Variants in DCC observed in about 807,000 individuals in gnomAD.
The protein encoded by DCC is netrin receptor DCC.
DCC carries 58 observed loss-of-function variants against 172.5 expected under a neutral mutation model. That is an observed-to-expected ratio of 0.34 (90% confidence interval 0.27 to 0.42). The LOEUF (loss-of-function observed/expected upper bound fraction) is 0.42, where lower values mean the gene tolerates loss of function less well. DCC is among the 10% of genes least tolerant of loss of function. DCC has a pLI of 1.00. For synonymous variants in DCC, 709 were observed against 644.5 expected, an observed-to-expected ratio of 1.10 and a Z score of -1.52; for missense variants, 1,740 against 1,791.0, an observed-to-expected ratio of 0.97 and a Z score of 0.51.
chr18:52,875,545 G>A (rs2039390806), intron 2 of DCC, among the ~76,000 whole-genome samples: 1 of 152,160 alleles, frequency 6.6e-6, no homozygotes. Context: ...ATCCCCAACT[G>A]TTGATACAAA....
intron 2 of DCC, among the ~76,000 whole-genome samples, chr18:52,868,015 G>T (rs1305889405): frequency 1.4e-5 from 2 of 148,082 alleles, no homozygotes; most frequent in African/African-American, 2.5e-5. Flanking sequence ...GAATGAGATT[G>T]CTAATATGTG....
At chr18:52,871,274 A>C (rs933777287) in intron 2 of DCC, among the ~76,000 whole-genome samples, 1 of 151,888 alleles carries the variant, frequency 6.6e-6, no homozygotes, top group Admixed American at 6.6e-5. Flanking sequence ...CCACTTGGTC[A>C]CCAGTCAACC....
intron 1 of DCC, among the ~76,000 whole-genome samples, chr18:52,586,129 G>A (rs996011144): frequency 6.8e-5 from 10 of 146,260 alleles, no homozygotes; most frequent in African/African-American, 2.5e-4. Flanking sequence ...GTCACACCTA[G>A]CAGTCATACA....
At chr18:52,869,207 A>C (rs2039278810) in intron 2 of DCC, among the ~76,000 whole-genome samples, 1 of 152,236 alleles carries the variant, frequency 6.6e-6, no homozygotes, top group South Asian at 2.1e-4. Context: ...AGGAAGAATA[A>C]GTTGCGCAGA....
At chr18:52,848,758 TG>T (rs1458006628) in intron 2 of DCC, among the ~76,000 whole-genome samples, 2 of 152,230 alleles carry the variant, frequency 1.3e-5, no homozygotes, top group Non-Finnish European at 2.9e-5. Context: ...CTTTCTCTAA[TG>T]GTTTAAGATA....
At chr18:52,525,295 A>G (rs1145266) in intron 1 of DCC, among the ~76,000 whole-genome samples, 46,056 of 152,006 alleles carry the variant, frequency 0.3, 7,111 homozygotes, top group Middle Eastern at 0.33. Context: ...TAGTAAACCT[A>G]TATGGTCATC....
intron 12 of DCC, among the ~76,000 whole-genome samples, chr18:53,297,263 T>G (rs2057078785): frequency 6.6e-6 from 1 of 152,222 alleles, no homozygotes; most frequent in Non-Finnish European, 1.5e-5. Context: ...CCCAGGCAGT[T>G]TGGAGACTGG....
intron 21 of DCC, among the ~76,000 whole-genome samples, chr18:53,420,084 T>C (rs1910553496): frequency 6.6e-6 from 1 of 152,106 alleles, no homozygotes; most frequent in Non-Finnish European, 1.5e-5. Flanking sequence ...TCAATCCTCC[T>C]GACCTTGTGA....
chr18:52,846,984 A>G (rs553988167), intron 2 of DCC, among the ~76,000 whole-genome samples: 1 of 152,244 alleles, frequency 6.6e-6, no homozygotes, highest in South Asian at 2.1e-4. Context: ...TGACTTCAAT[A>G]TGTAAGTGTT....
Position 53,285,301 on chromosome 18 carries a change from C to A in DCC, c.1912-20277C>A, listed in dbSNP as rs187619080. On this transcript the variant is annotated intron_variant, in intron 12 of 28. Transcript: ENST00000442544. ...GGAAAAAGTGGTTTTGTGGGCTGGG[C>A]TCAGGGTCCCTCTATTGTGTGCAGT... 4.6e-5 allele frequency among the ~76,000 whole-genome samples: 7 copies of A among 152,260 alleles called. No individual in the cohort carries two copies. The East Asian group carries it at 1.4e-3, about 29-fold the overall frequency.
rs2046548521 is a variant in DCC at position 53,533,976 on chromosome 18, G to A, written c.*3323G>A. The A allele has an allele frequency of 6.6e-6, 1 of 152,160 alleles. No homozygotes were observed. Among genetic ancestry groups the A allele is most frequent in the Non-Finnish European group, 1.5e-5 (1 of 68,024 alleles). The allele number at this position is 152,160 out of a possible 1,614,324, so 9.4% of individuals were successfully genotyped here. A position where few individuals can be genotyped will look rare whatever the true frequency, so the allele number is the denominator to read the frequency against. On this transcript the variant is annotated 3_prime_UTR_variant, in exon 29 of 29. Transcript: ENST00000442544. ...GAAACTAAAATGTTTGGCACTTATT[G>A]GCTTTTCCAATAAAGAATCTCTTAA...
chr18:53,513,542 C>T lies in DCC; in HGVS notation c.4112-13075C>T, dbSNP rs1249058204. The stretch of plus-strand genomic sequence containing the variant: ...GCAAATTGGATAAAGAGTCAAGAAC[C>T]ATCAGTGTGCTGTATTCAGGAAACC... On this transcript the variant is annotated intron_variant, in intron 27 of 28. Transcript: ENST00000442544. Among the ~76,000 whole-genome samples the T allele has an allele frequency of 2.6e-5, 4 of 152,138 alleles. No individual in the cohort carries two copies. The South Asian group carries it at 6.2e-4, about 24-fold the overall frequency.
intron 1 of DCC, among the ~76,000 whole-genome samples, chr18:52,500,369 C>T (rs2030972450): frequency 6.6e-6 from 1 of 152,142 alleles, no homozygotes; most frequent in East Asian, 1.9e-4. Flanking sequence ...AAAGAGTGAT[C>T]TCTTAGGGAG....
At chr18:53,195,034 T>C (rs2055423429) in intron 9 of DCC, among the ~76,000 whole-genome samples, 1 of 152,194 alleles carries the variant, frequency 6.6e-6, no homozygotes. Context: ...TCATATAATC[T>C]CATATAATCC....
intron 5 of DCC, among the ~76,000 whole-genome samples, chr18:52,997,837 A>G (rs1252451942): frequency 2.0e-5 from 3 of 151,940 alleles, no homozygotes; most frequent in African/African-American, 7.2e-5. Context: ...TCTTTATGAT[A>G]TTCTTTCTAG....
chr18:52,548,890 T>G (rs1257228730), intron 1 of DCC, among the ~76,000 whole-genome samples: 2 of 152,116 alleles, frequency 1.3e-5, no homozygotes, highest in South Asian at 4.1e-4. Context: ...AAAATGTATG[T>G]TTAGACATTG....
At chr18:52,743,837 A>G (rs2036864858) in intron 1 of DCC, among the ~76,000 whole-genome samples, 2 of 152,190 alleles carry the variant, frequency 1.3e-5, no homozygotes, top group African/African-American at 4.8e-5. Flanking sequence ...GGGAAGAGAA[A>G]AAGAAGAATC....
At chr18:53,288,226 G>A (rs937094172) in intron 12 of DCC, among the ~76,000 whole-genome samples, 15 of 152,060 alleles carry the variant, frequency 9.9e-5, no homozygotes, top group African/African-American at 3.4e-4. Context: ...CTTGATTAAA[G>A]GATCAACAAA....
At chr18:52,826,781 A>C (rs1361345704) in intron 2 of DCC, among the ~76,000 whole-genome samples, 1 of 152,114 alleles carries the variant, frequency 6.6e-6, no homozygotes, top group Non-Finnish European at 1.5e-5. Flanking sequence ...ACCCAGCCAA[A>C]AATATGTTTA....
Sources: allele counts gnomAD v4.1 joint callset (sites outside exome capture counted in the v4.1 genomes callset), GRCh38; gene constraint gnomAD v4.1.1; transcripts MANE v1.5; gene names NCBI Gene and HGNC (gene_info 2026-07-23, HGNC 2026-07-21).